The following CACNA2D3 variants were observed in gnomAD, a reference collection of about 807,000 sequenced individuals.
CACNA2D3 encodes the protein voltage-dependent calcium channel subunit alpha-2/delta-3.
A neutral mutation model predicts 160.6 loss-of-function variants in CACNA2D3; 60 were observed. The observed-to-expected ratio is 0.37, with a 90% CI of 0.30 to 0.46. The LOEUF (loss-of-function observed/expected upper bound fraction) is 0.46. CACNA2D3 is among the 20% of genes least tolerant of loss of function. The probability of loss-of-function intolerance (pLI) is 1.00; values close to 1 mark genes in which losing one functional copy is unlikely to be tolerated. For synonymous variants in CACNA2D3, 558 were observed against 492.9 expected, an observed-to-expected ratio of 1.13 and a Z score of -1.75; for missense variants, 1,205 against 1,365.0, an observed-to-expected ratio of 0.88 and a Z score of 1.85.
chr3:54,719,825 T>C (rs893217731), intron 11 of CACNA2D3, among the ~76,000 whole-genome samples: 12 of 152,026 alleles, frequency 7.9e-5, no homozygotes, highest in Admixed American at 2.6e-4. Context: ...CTTTAATAGA[T>C]GGAAGACTAT....
At chr3:54,594,548 CT>C (rs998781508) in intron 9 of CACNA2D3, among the ~76,000 whole-genome samples, 1 of 152,146 alleles carries the variant, frequency 6.6e-6, no homozygotes, top group Non-Finnish European at 1.5e-5. Context: ...CATTTCAACT[CT>C]TTTGGCAAAT....
chr3:54,922,013 A>AT (rs1700866488), intron 27 of CACNA2D3, among the ~76,000 whole-genome samples: 1 of 151,894 alleles, frequency 6.6e-6, no homozygotes, highest in African/African-American at 2.4e-5. Flanking sequence ...ACATATTTGG[A>AT]TTTTTCCTAG....
In CACNA2D3 at chr3:55,001,386, A is replaced by G. The variant is rs79403330; in HGVS notation, c.2691-3377A>G. Reference sequence around the variant, plus strand: ...TGGTAGTGGCAATGAAAAGATACCAATACTTATAACAGCAGCTATAGCTCT... The same window carrying G: ...TGGTAGTGGCAATGAAAAGATACCAGTACTTATAACAGCAGCTATAGCTCT... On this transcript the variant is annotated intron_variant, in intron 31 of 37. Transcript: ENST00000474759. Among the ~76,000 whole-genome samples, 947 of 152,334 alleles carry G rather than the reference A, an allele frequency of 6.2e-3. 9 individuals carry two copies. The highest frequency in any genetic ancestry group is 0.022 in the African/African-American group (906 of 41,572).
At chr3:54,965,707 A>G (rs1414135100) in intron 27 of CACNA2D3, among the ~76,000 whole-genome samples, 1 of 152,218 alleles carries the variant, frequency 6.6e-6, no homozygotes, top group Non-Finnish European at 1.5e-5. Context: ...CAAACCCCAG[A>G]TATGCCACAG....
intron 10 of CACNA2D3, among the ~76,000 whole-genome samples, chr3:54,631,200 T>A (rs906513793): frequency 2.2e-4 from 20 of 90,584 alleles, no homozygotes; most frequent in Non-Finnish European, 3.8e-4. Context: ...CGAGACTCCA[T>A]CAAACACACA....
intron 5 of CACNA2D3, among the ~76,000 whole-genome samples, chr3:54,532,664 G>T (rs540964747): frequency 6.6e-6 from 1 of 152,132 alleles, no homozygotes; most frequent in Non-Finnish European, 1.5e-5. Context: ...ATATTCCATG[G>T]TATACATACC....
At chr3:54,434,977 T>C (rs1700039775) in intron 4 of CACNA2D3, among the ~76,000 whole-genome samples, 1 of 152,194 alleles carries the variant, frequency 6.6e-6, no homozygotes, top group Non-Finnish European at 1.5e-5. Flanking sequence ...GGTTTCATCA[T>C]ACTTCTAATG....
intron 29 of CACNA2D3, among the ~76,000 whole-genome samples, chr3:54,975,157 A>G (rs935115255): frequency 6.6e-6 from 1 of 152,154 alleles, no homozygotes; most frequent in African/African-American, 2.4e-5. Flanking sequence ...AGGTCTGTTT[A>G]GAAAGTCATC....
intron 4 of CACNA2D3, among the ~76,000 whole-genome samples, chr3:54,442,141 A>G (rs747280805): frequency 3.9e-5 from 6 of 152,098 alleles, no homozygotes; most frequent in African/African-American, 7.2e-5. Context: ...GGACTTAAGT[A>G]GTGGCTATAT....
At chr3:54,880,687 C>A in intron 20 of CACNA2D3, 109 bp from the exon 21 acceptor site, 1 of 963,536 alleles carries the variant, frequency 1.0e-6, no homozygotes, top group Non-Finnish European at 1.7e-6. Flanking sequence ...AAATTGTTGA[C>A]AGATCATAAA....
At chr3:54,625,248 G>A (rs1331880839) in intron 9 of CACNA2D3, among the ~76,000 whole-genome samples, 1 of 152,136 alleles carries the variant, frequency 6.6e-6, no homozygotes, top group Non-Finnish European at 1.5e-5. Flanking sequence ...TATATGTCAA[G>A]CCCATGGCAA....
intron 4 of CACNA2D3, among the ~76,000 whole-genome samples, chr3:54,494,936 T>C (rs1266680274): frequency 6.6e-6 from 1 of 152,152 alleles, no homozygotes; most frequent in Non-Finnish European, 1.5e-5. Context: ...ACTGCTCCCA[T>C]GATCCCAGTC....
At chr3:54,818,261 G>A (rs953361268) in intron 14 of CACNA2D3, among the ~76,000 whole-genome samples, 1 of 152,224 alleles carries the variant, frequency 6.6e-6, no homozygotes, top group African/African-American at 2.4e-5. Context: ...CTCGGCTCAC[G>A]CAATCTCCAC....
intron 11 of CACNA2D3, among the ~76,000 whole-genome samples, chr3:54,677,117 A>C (rs990437653): frequency 6.6e-6 from 1 of 152,240 alleles, no homozygotes; most frequent in Non-Finnish European, 1.5e-5. Flanking sequence ...TAAAACTTAC[A>C]TGATTAAGTT....
intron 9 of CACNA2D3, among the ~76,000 whole-genome samples, chr3:54,583,583 A>G (rs1380434454): frequency 6.6e-6 from 1 of 152,172 alleles, no homozygotes; most frequent in Non-Finnish European, 1.5e-5. Flanking sequence ...TATTTGCATT[A>G]TACTTACGGG....
At chr3:54,954,204 G>C (rs1350325513) in intron 27 of CACNA2D3, among the ~76,000 whole-genome samples, 1 of 152,202 alleles carries the variant, frequency 6.6e-6, no homozygotes, top group Non-Finnish European at 1.5e-5. Flanking sequence ...TCCAGGCACA[G>C]GTCAGTGCTA....
Position 54,671,194 on chromosome 3 carries a change from G to T in CACNA2D3, c.1167+28953G>T, listed in dbSNP as rs1034572972. Among the ~76,000 whole-genome samples, 11 of 151,182 alleles carry T rather than the reference G, an allele frequency of 7.3e-5. No homozygotes were observed. In the Admixed American group the frequency reaches 7.3e-4, roughly 10 times the overall value. On this transcript the variant is annotated intron_variant, in intron 11 of 37. Transcript: ENST00000474759. ...TTAACATATATTAATCATTTCCTTT[G>T]TATCTAGTAGCTGGGGTCTCATTTC... is the stretch of plus-strand genomic sequence containing the variant.
chr3:54,471,864 C>A (rs1340519737), intron 4 of CACNA2D3, among the ~76,000 whole-genome samples: 1 of 152,098 alleles, frequency 6.6e-6, no homozygotes, highest in Non-Finnish European at 1.5e-5. Context: ...GAAGTCGAAT[C>A]CCTAAACAGA....
At chr3:55,067,119 T>C (rs1704668251) in intron 35 of CACNA2D3, among the ~76,000 whole-genome samples, 2 of 150,908 alleles carry the variant, frequency 1.3e-5, no homozygotes, top group African/African-American at 2.4e-5. Context: ...GCTTTTCTCC[T>C]CTCAGTGTAG....
Sources: gnomAD v4.1 joint callset for allele counts (sites outside exome capture counted in the v4.1 genomes callset) on GRCh38, gnomAD v4.1.1 for gene constraint, MANE v1.5 for transcripts, NCBI Gene and HGNC (gene_info 2026-07-23, HGNC 2026-07-21) for gene names.